The following PKP1 variants were observed in gnomAD, a reference collection of about 807,000 sequenced individuals.
The protein encoded by PKP1 is plakophilin 1, also known as plakophilin-1.
A neutral mutation model predicts 76.4 loss-of-function variants in PKP1; 27 were observed. The ratio of observed to expected loss-of-function variants is 0.35; its 90% CI spans 0.26 to 0.49. The LOEUF (loss-of-function observed/expected upper bound fraction) is 0.49. Ranked by LOEUF, PKP1 falls within the 20% of genes least tolerant of loss-of-function variation. The pLI is 0.99. For synonymous variants in PKP1, 404 were observed against 384.2 expected (o/e 1.05, Z -0.60); for missense variants, 964 against 955.2 (o/e 1.01, Z -0.12).
chr1:201,323,012 G>GAAC lies in PKP1; in HGVS notation c.1510_1512dup (p.Asn504dup), dbSNP rs1172080523. 6.2e-7 allele frequency: 1 copy of GAAC among 1,613,846 alleles called. No homozygotes were observed. The highest frequency in any genetic ancestry group is 8.5e-7 in the Non-Finnish European group (1 of 1,179,950). On this transcript the variant is annotated inframe_insertion and splice_region_variant. Transcript: ENST00000367324. ...CCCCCTGACCGGCTCTTTATCCTCA[G>GAAC]AACAACAACTATGACTGCCCCCTGC...
At chr1:201,324,843 G>A (rs1172331443) in intron 10 of PKP1, 98 bp from the exon 11 acceptor site, 7 of 1,274,794 alleles carry the variant, frequency 5.5e-6, no homozygotes, top group South Asian at 5.4e-5. Context: ...CTCAGAGCCC[G>A]GCAGAAGGCT....
In PKP1 at chr1:201,313,354, C is replaced by A. The variant is rs564810759; in HGVS notation, c.495C>A (p.Gly165=). The A allele has an allele frequency of 6.9e-6, 11 of 1,584,386 alleles. No homozygotes were observed. In the South Asian group the frequency reaches 1.0e-4, roughly 15 times the overall value. The change falls in exon 3 of 14, where the codon GGC becomes GGA. Residue 165 remains glycine (G), a synonymous_variant. Coordinates refer to ENST00000367324, the MANE Select transcript of PKP1 (RefSeq NM_001005337.3). ...SEPDLYCDPR[G]TLRKGTLGSK... ...CCGACCTCTACTGTGACCCACGGGGCACCCTGCGCAAGGGCACGCTGGGCA... is the reference window on the plus strand; with the variant it reads ...CCGACCTCTACTGTGACCCACGGGGAACCCTGCGCAAGGGCACGCTGGGCA...
chr1:201,296,226 G>A (rs1656065902), intron 2 of PKP1, among the ~76,000 whole-genome samples: 1 of 152,158 alleles, frequency 6.6e-6, no homozygotes. Flanking sequence ...GGGAGGAAGT[G>A]GAATAATTGA....
At chr1:201,286,824 A>T (rs1655753547) in intron 1 of PKP1, among the ~76,000 whole-genome samples, 1 of 152,070 alleles carries the variant, frequency 6.6e-6, no homozygotes, top group Non-Finnish European at 1.5e-5. Flanking sequence ...GGATGTCACC[A>T]CCCAGCAAAA....
At position 201,318,764 on chromosome 1, in the gene PKP1, G is replaced by A; in HGVS notation, c.1201G>A (p.Glu401Lys). 1 of 1,609,518 alleles carries A rather than the reference G, an allele frequency of 6.2e-7. No individual in the cohort carries two copies. Among genetic ancestry groups the A allele is most frequent in the Non-Finnish European group, 8.5e-7 (1 of 1,178,704 alleles). ...CATGTCCCGGGAAGTGGTGGACCCT[G>A]AGGTCTTCTTCAATGCCACAGGCTG... ...SNMSREVVDP[E>K]VFFNATGCLR... Residue 401 changes from glutamate to lysine, a missense_variant, in exon 6 of 14, where the codon GAG becomes AAG. Transcript: ENST00000367324.
chr1:201,318,528 A>G (rs754199182), intron 5 of PKP1, 90 bp from the exon 6 acceptor site: 2 of 1,147,626 alleles, frequency 1.7e-6, no homozygotes, highest in Non-Finnish European at 2.6e-6. Context: ...AGTAGGGCCC[A>G]TTTGCCAGAG....
At chr1:201,322,957 T>A in intron 8 of PKP1, 56 bp from the exon 9 acceptor site, 3 of 1,560,074 alleles carry the variant, frequency 1.9e-6, no homozygotes, top group East Asian at 4.5e-5. Context: ...AATGCCTGGG[T>A]TGTGTCCTCT....
In PKP1 at chr1:201,330,920, G is replaced by T. The variant is rs1657303616; in HGVS notation, c.*879G>T. On this transcript the variant is annotated 3_prime_UTR_variant, in exon 14 of 14. Coordinates refer to ENST00000367324, the MANE Select transcript of PKP1 (RefSeq NM_001005337.3). ...GCCTGCAAAGGCCCTGCATTCAGAG[G>T]TCTTGTAATCTACTTGTTGCAGGAG... The T allele has an allele frequency of 6.6e-6, 1 of 152,274 alleles. No individual in the cohort carries two copies. The allele number at this position is 152,274 out of a possible 1,614,324, so 9.4% of individuals were successfully genotyped here.
chr1:201,322,856 C>T (rs531724500), intron 8 of PKP1, among the ~76,000 whole-genome samples, 157 bp from the exon 9 acceptor site: 6 of 152,298 alleles, frequency 3.9e-5, no homozygotes, highest in South Asian at 2.1e-4. Flanking sequence ...AGGGGTGCAG[C>T]GGGGCTGTCC....
At chr1:201,297,902 A>G (rs1217735127) in intron 2 of PKP1, among the ~76,000 whole-genome samples, 1 of 152,204 alleles carries the variant, frequency 6.6e-6, no homozygotes, top group Non-Finnish European at 1.5e-5. Context: ...ATAAGCATTA[A>G]TGGGTTTCAG....
chr1:201,323,075 G>T lies in PKP1; in HGVS notation c.1566G>T (p.Leu522Phe), dbSNP rs757816257. Residue 522 changes from leucine (L) to phenylalanine (F), a missense_variant, in exon 9 of 14, where the codon TTG (leucine) becomes TTT (phenylalanine). Transcript: ENST00000367324. The part of the protein sequence containing the change: ...EETNPKGSGW[L>F]YHSDAIRTYL... The stretch of plus-strand genomic sequence containing the variant: ...CCAACCCCAAGGGCAGCGGCTGGTT[G>T]TACCATTCAGATGCCATCCGCACCT... The T allele has an allele frequency of 9.9e-6, 16 of 1,614,150 alleles. No individual in the cohort carries two copies. Among genetic ancestry groups the T allele is most frequent in the South Asian group, 7.7e-5 (7 of 91,080 alleles).
At position 201,313,252 on chromosome 1, in the gene PKP1, C is replaced by A. The variant is rs1390804555; in HGVS notation, c.393C>A (p.Pro131=). 1.2e-6 allele frequency: 2 copies of A among 1,605,086 alleles called. No homozygotes were observed. The highest frequency in any genetic ancestry group is 3.4e-5 in the Admixed American group (2 of 58,962). The change falls in exon 3 of 14, where the codon CCC becomes CCA. Residue 131 remains proline (P), a synonymous_variant. Coordinates refer to ENST00000367324, the MANE Select transcript of PKP1 (RefSeq NM_001005337.3). The stretch of plus-strand genomic sequence containing the variant: ...TGGAGAACTGGAGCCGGCACTACCC[C>A]CGGGGCAGCTGTAACACCACCGGCG... The part of the protein sequence containing the change: ...SQMENWSRHY[P]RGSCNTTGAG...
At chr1:201,324,676 G>A in intron 10 of PKP1, 95 bp downstream of exon 10, 2 of 1,472,438 alleles carry the variant, frequency 1.4e-6, no homozygotes, top group African/African-American at 1.4e-5. Context: ...GCCATTCCCT[G>A]GGATGAGCAT....
chr1:201,285,036 C>T (rs1321500921), intron 1 of PKP1, among the ~76,000 whole-genome samples: 1 of 152,130 alleles, frequency 6.6e-6, no homozygotes, highest in Non-Finnish European at 1.5e-5. Flanking sequence ...GCAAAGATTC[C>T]ACTTGTTTAT....
chr1:201,295,870 G>A (rs1384243915), intron 2 of PKP1, among the ~76,000 whole-genome samples: 2 of 132,664 alleles, frequency 1.5e-5, no homozygotes, highest in African/African-American at 5.6e-5. Context: ...AACTCTTTCG[G>A]GGAAGGTGTT....
rs770445902 is a variant in PKP1 at position 201,283,922 on chromosome 1, G to A, written c.202+18G>A. On this transcript the variant is annotated intron_variant, in intron 1 of 13. Transcript: ENST00000367324. ...CAATCGAGGTAAAGGCTCGGCCCCC[G>A]CGTGGTCCGTGCGCCCCTTTCCAGA... The A allele has an allele frequency of 1.9e-6, 3 of 1,610,894 alleles. No individual in the cohort carries two copies. The highest frequency in any genetic ancestry group is 1.1e-5 in the South Asian group (1 of 90,900).
At chr1:201,296,354 T>C (rs74136370) in intron 2 of PKP1, among the ~76,000 whole-genome samples, 2,659 of 152,332 alleles carry the variant, frequency 0.017, 61 homozygotes, top group African/African-American at 0.059. Flanking sequence ...GATAATCCTA[T>C]GTCCGTGGGA....
chr1:201,328,893 A>T lies in PKP1; in HGVS notation c.*32+25A>T. ...GGTAAGAATCACCCCACCCTCAGGG[A>T]TGCCTCTGGGACCACTGCAACAGCC... On this transcript the variant is annotated intron_variant, in intron 13 of 13. Coordinates refer to ENST00000367324, the MANE Select transcript of PKP1 (RefSeq NM_001005337.3). 4 of 1,410,778 alleles carry T rather than the reference A, an allele frequency of 2.8e-6. No individual in the cohort carries two copies. The Admixed American group carries it at 5.0e-5, about 18-fold the overall frequency. The allele number at this position is 1,410,778 out of a possible 1,614,324, so 87.4% of individuals were successfully genotyped here. A position where few individuals can be genotyped will look rare whatever the true frequency, so the allele number is the denominator to read the frequency against.
At chr1:201,326,120 AAC>A (rs1398124727) in intron 12 of PKP1, among the ~76,000 whole-genome samples, 1 of 152,166 alleles carries the variant, frequency 6.6e-6, no homozygotes, top group Admixed American at 6.5e-5. Context: ...CAAACTGAAA[AAC>A]AGAGTGGACA....
Sources: gnomAD v4.1 joint callset for allele counts (sites outside exome capture counted in the v4.1 genomes callset) on GRCh38, gnomAD v4.1.1 for gene constraint, MANE v1.5 for transcripts, NCBI Gene and HGNC (gene_info 2026-07-23, HGNC 2026-07-21) for gene names.